GPRC5A: variants seen among roughly 807,000 people sequenced by gnomAD.
GPRC5A encodes G protein-coupled receptor class C group 5 member A, also known as retinoic acid-induced protein 3.
Under a neutral mutation model 22.5 loss-of-function variants are expected in GPRC5A, and 19 were observed. The observed-to-expected ratio is 0.85, with a 90% CI of 0.59 to 1.24. The LOEUF is 1.24. GPRC5A is among the 50% of genes most tolerant of loss of function. The probability of loss-of-function intolerance (pLI) is 0.00; values close to 1 mark genes in which losing one functional copy is unlikely to be tolerated. For missense variants in GPRC5A, 471 were observed against 451.1 expected (o/e 1.04, Z -0.40); for synonymous variants, 192 against 184.5 (o/e 1.04, Z -0.33).
intron 3 of GPRC5A, 99 bp downstream of exon 3, chr12:12,912,241 A>G: frequency 3.1e-6 from 3 of 977,286 alleles, no homozygotes; most frequent in Non-Finnish European, 5.0e-6. Context: ...TGGCCCCTAG[A>G]TGGCCACTTG....
intron 1 of GPRC5A, among the ~76,000 whole-genome samples, chr12:12,898,674 A>G (rs1042781631): frequency 2.0e-5 from 3 of 152,230 alleles, no homozygotes; most frequent in African/African-American, 4.8e-5. Context: ...ACAAAGCTAC[A>G]CTTAGCATCT....
rs747154562 is a variant in GPRC5A at position 12,908,925 on chromosome 12, G to T, written c.676G>T (p.Ala226Ser). The change falls in exon 2 of 4, where the codon GCC (alanine) becomes TCC (serine). Residue 226 changes from alanine (A) to serine (S), a missense_variant. By Grantham distance (99) the Ala-to-Ser change is moderately conservative (BLOSUM62 1). Transcript: ENST00000014914. ...GCTCCTCTCCATTGCCATCTGGGTG[G>T]CCTGGATCACCCTGCTCATGCTTCC... Reference protein sequence around the residue: ...TMLLSIAIWVAWITLLMLPDF... With the variant: ...TMLLSIAIWVSWITLLMLPDF... 2 of 1,613,896 alleles carry T rather than the reference G, an allele frequency of 1.2e-6. No individual in the cohort carries two copies. Among genetic ancestry groups the T allele is most frequent in the Admixed American group, 3.3e-5 (2 of 60,010 alleles).
intron 1 of GPRC5A, among the ~76,000 whole-genome samples, chr12:12,904,267 CG>C (rs1565464190): frequency 6.6e-6 from 1 of 152,198 alleles, no homozygotes; most frequent in Non-Finnish European, 1.5e-5. Flanking sequence ...GTAGGCAAGA[CG>C]GATCAGACTT....
intron 1 of GPRC5A, among the ~76,000 whole-genome samples, chr12:12,907,400 C>CAAAAAAAAAAAA (rs567033664): frequency 2.6e-4 from 23 of 90,134 alleles, no homozygotes; most frequent in Admixed American, 5.4e-4. Flanking sequence ...GACTCTGTCT[C>CAAAAAAAAAAAA]AAAAAAAAAA....
Position 12,917,702 on chromosome 12 carries a change from C to T in GPRC5A, c.*5163C>T, listed in dbSNP as rs935612299. ...TTCTGGTTAAACACAGGTCCCTCTT[C>T]CACATCAAATGAACATTGGCTTCCT... is the stretch of plus-strand genomic sequence containing the variant. On this transcript the variant is annotated 3_prime_UTR_variant, in exon 4 of 4. Transcript: ENST00000014914. 1.3e-5 allele frequency: 2 copies of T among 152,176 alleles called. No homozygotes were observed. The highest frequency in any genetic ancestry group is 6.5e-5 in the Admixed American group (1 of 15,270). The allele number at this position is 152,176 out of a possible 1,614,324, so 9.4% of individuals were successfully genotyped here.
intron 1 of GPRC5A, among the ~76,000 whole-genome samples, chr12:12,900,275 A>T (rs2136457214): frequency 6.6e-6 from 1 of 152,338 alleles, no homozygotes; most frequent in South Asian, 2.1e-4. Context: ...TGGGGCAAGA[A>T]TGAGGATGAG....
intron 3 of GPRC5A, 113 bp from the exon 4 acceptor site, chr12:12,912,334 G>T (rs1565466029): frequency 4.6e-6 from 4 of 861,642 alleles, no homozygotes; most frequent in Non-Finnish European, 7.9e-6. Context: ...AGAGGACTTG[G>T]GGGTGGGAGG....
chr12:12,907,574 C>T (rs1330027384), intron 1 of GPRC5A, among the ~76,000 whole-genome samples: 3 of 152,148 alleles, frequency 2.0e-5, no homozygotes, highest in African/African-American at 4.8e-5. Context: ...TCACTAATTC[C>T]TAAGAAAACA....
At chr12:12,905,762 A>T in intron 1 of GPRC5A, among the ~76,000 whole-genome samples, 1 of 152,196 alleles carries the variant, frequency 6.6e-6, no homozygotes, top group East Asian at 1.9e-4. Flanking sequence ...CTGGGTCTAA[A>T]ATTCACACGA....
Position 12,895,681 on chromosome 12 carries a change from T to C in GPRC5A, c.-8+4017T>C, listed in dbSNP as rs890978390. On this transcript the variant is annotated intron_variant, in intron 1 of 3. Transcript: ENST00000014914. Reference sequence around the variant, plus strand: ...GAAGGGATCTTTGAGAGCCTTAAGATAGTATACTAGTAGAGGGCCGGCGCG... The same window carrying C: ...GAAGGGATCTTTGAGAGCCTTAAGACAGTATACTAGTAGAGGGCCGGCGCG... Among the ~76,000 whole-genome samples, 6 of 151,584 alleles carry C rather than the reference T, an allele frequency of 4.0e-5. No homozygotes were observed. The South Asian group carries it at 1.3e-3, about 32-fold the overall frequency.
In GPRC5A at chr12:12,893,365, T is replaced by C. The variant is rs543773429; in HGVS notation, c.-8+1701T>C. Among the ~76,000 whole-genome samples the C allele has an allele frequency of 3.9e-5, 6 of 152,340 alleles. No individual in the cohort carries two copies. In the South Asian group the frequency reaches 1.0e-3, roughly 26 times the overall value. On this transcript the variant is annotated intron_variant, in intron 1 of 3. Coordinates refer to ENST00000014914, the MANE Select transcript of GPRC5A (RefSeq NM_003979.4). The stretch of plus-strand genomic sequence containing the variant: ...GAACAATTTTGACGGCGTGATTTTA[T>C]TCTTCTCATTCTGGGTCCACTACTA...
intron 1 of GPRC5A, 41 bp downstream of exon 1, chr12:12,891,705 G>A (rs1325564985): frequency 1.3e-5 from 2 of 152,210 alleles, no homozygotes; most frequent in East Asian, 1.9e-4. Flanking sequence ...GGGGCCTCCG[G>A]ATTTAAATCG....
At position 12,908,307 on chromosome 12, in the gene GPRC5A, CTT is replaced by C; in HGVS notation, c.60_61del (p.Cys21Ter). 1 of 1,612,578 alleles carries C rather than the reference CTT, an allele frequency of 6.2e-7. No homozygotes were observed. Among genetic ancestry groups the C allele is most frequent in the Non-Finnish European group, 8.5e-7 (1 of 1,179,228 alleles). ...RNGLKSKYYR[L>X]CDKAEAWGIV... ...TGGCCTGAAATCCAAGTACTACAGA[CTT>C]TGTGATAAGGCTGAAGCTTGGGGCA... is the stretch of plus-strand genomic sequence containing the variant. On this transcript the variant is annotated frameshift_variant, in exon 2 of 4. Transcript: ENST00000014914. LOFTEE classifies it high-confidence loss of function.
chr12:12,909,205 T>C, intron 2 of GPRC5A, 34 bp downstream of exon 2: 2 of 1,408,608 alleles, frequency 1.4e-6, no homozygotes, highest in East Asian at 2.3e-5. Flanking sequence ...AGAGAATCCC[T>C]TGTAGAAAGG....
At chr12:12,910,524 A>G (rs146731582) in intron 2 of GPRC5A, among the ~76,000 whole-genome samples, 56 of 152,096 alleles carry the variant, frequency 3.7e-4, no homozygotes, top group African/African-American at 1.4e-3. Flanking sequence ...ATCCCATCAA[A>G]TCCTTCCTGA....
Position 12,912,648 on chromosome 12 carries a change from C to A in GPRC5A, c.*109C>A. ...TCTGAGAAAACTGTACAAGACACTA[C>A]GGGAACAGTTTGCCTCCCTCCCAGC... On this transcript the variant is annotated 3_prime_UTR_variant, in exon 4 of 4. Coordinates refer to ENST00000014914, the MANE Select transcript of GPRC5A (RefSeq NM_003979.4). The A allele has an allele frequency of 1.4e-6, 1 of 706,780 alleles. No individual in the cohort carries two copies. Among genetic ancestry groups the A allele is most frequent in the Admixed American group, 2.1e-5 (1 of 47,124 alleles). 43.8% of individuals were successfully genotyped at this position (706,780 alleles called of 1,614,324 possible).
intron 1 of GPRC5A, among the ~76,000 whole-genome samples, chr12:12,904,588 T>C (rs940261613): frequency 3.9e-5 from 6 of 152,114 alleles, no homozygotes; most frequent in African/African-American, 1.4e-4. Flanking sequence ...CAGCACATAG[T>C]GGTGCTCGGT....
chr12:12,908,646 G>C lies in GPRC5A; in HGVS notation c.397G>C (p.Val133Leu). 1 of 1,613,974 alleles carries C rather than the reference G, an allele frequency of 6.2e-7. No individual in the cohort carries two copies. Among genetic ancestry groups the C allele is most frequent in the Non-Finnish European group, 8.5e-7 (1 of 1,179,906 alleles). ...GGGGAGGAAGCCCCTTTCCCTGTTG[G>C]TGATTCTGGGTCTGGCCGTGGGCTT... ...VRGRKPLSLL[V>L]ILGLAVGFSL... Residue 133 changes from valine to leucine, a missense_variant, in exon 2 of 4, where the codon GTG becomes CTG. Transcript: ENST00000014914.
chr12:12,895,934 A>T (rs1395131076), intron 1 of GPRC5A, among the ~76,000 whole-genome samples: 1 of 142,676 alleles, frequency 7.0e-6, no homozygotes, highest in Non-Finnish European at 1.5e-5. Context: ...TGGAGCTTGC[A>T]GTGAGCCGAG....
Sources: gnomAD v4.1 joint callset for allele counts (sites outside exome capture counted in the v4.1 genomes callset) on GRCh38, gnomAD v4.1.1 for gene constraint, MANE v1.5 for transcripts, NCBI Gene and HGNC (gene_info 2026-07-23, HGNC 2026-07-21) for gene names.